Variants in PLEKHA2 observed in about 807,000 individuals in gnomAD.
The protein encoded by PLEKHA2 is pleckstrin homology domain containing A2.
PLEKHA2 carries 28 observed loss-of-function variants against 53.2 expected under a neutral mutation model. The observed-to-expected ratio is 0.53, with a 90% confidence interval of 0.39 to 0.72. The LOEUF (loss-of-function observed/expected upper bound fraction) is 0.72, where lower values mean the gene tolerates loss of function less well. Ranked by LOEUF, PLEKHA2 falls within the 30% of genes least tolerant of loss-of-function variation. The pLI, the probability that PLEKHA2 is intolerant of heterozygous loss-of-function variation, is 0.00. For synonymous variants in PLEKHA2, 193 were observed against 196.4 expected (o/e 0.98, Z 0.14); for missense variants, 426 against 537.9 (o/e 0.79, Z 2.06).
Position 38,969,554 on chromosome 8 carries a change from T to C in PLEKHA2, c.1049T>C (p.Val350Ala). Residue 350 changes from valine to alanine, a missense_variant, in exon 12 of 12, where the codon GTG (valine) becomes GCG (alanine). By Grantham distance (64) the Val-to-Ala change is moderately conservative (BLOSUM62 0). Coordinates refer to ENST00000617275, the MANE Select transcript of PLEKHA2 (RefSeq NM_021623.2). ...EKKALCKAPSVASSWQPWTPV... is the reference protein window; with the variant it reads ...EKKALCKAPSAASSWQPWTPV... ...AAAGCCCTCTGCAAAGCCCCCTCTG[T>C]GGCCTCCTCCTGGCAGCCCTGGACA... 1 of 1,612,336 alleles carries C rather than the reference T, an allele frequency of 6.2e-7. No homozygotes were observed. The highest frequency in any genetic ancestry group is 8.5e-7 in the Non-Finnish European group (1 of 1,179,138).
chr8:38,906,049 C>T (rs1264464403), intron 1 of PLEKHA2, among the ~76,000 whole-genome samples: 2 of 152,198 alleles, frequency 1.3e-5, no homozygotes, highest in East Asian at 1.9e-4. Flanking sequence ...TGGTTGACAT[C>T]GTCCATTATA....
chr8:38,911,227 C>T (rs2152364744), intron 1 of PLEKHA2, among the ~76,000 whole-genome samples: 1 of 139,908 alleles, frequency 7.1e-6, no homozygotes, highest in East Asian at 2.1e-4. Flanking sequence ...AGAGCTCTAA[C>T]CCAGCATGAA....
Position 38,969,981 on chromosome 8 carries a change from T to C in PLEKHA2, c.*198T>C, listed in dbSNP as rs1835217826. On this transcript the variant is annotated 3_prime_UTR_variant, in exon 12 of 12. Transcript: ENST00000617275. ...TGTGTGTGTGTGTGTGTGTGTGTAA[T>C]ATCAACGCAGTGTATTTAATTTGGG... 2.6e-5 allele frequency: 15 copies of C among 580,772 alleles called. 1 individual carries two copies. In the South Asian group the frequency reaches 3.3e-4, roughly 13 times the overall value. The allele number at this position is 580,772 out of a possible 1,614,324, so 36.0% of individuals were successfully genotyped here. A position where few individuals can be genotyped will look rare whatever the true frequency, so the allele number is the denominator to read the frequency against.
chr8:38,946,574 T>A (rs1834719098), intron 5 of PLEKHA2, among the ~76,000 whole-genome samples: 1 of 152,170 alleles, frequency 6.6e-6, no homozygotes, highest in Non-Finnish European at 1.5e-5. Flanking sequence ...GAAAAGCATA[T>A]GGGGAGGGAA....
At position 38,914,953 on chromosome 8, in the gene PLEKHA2, A is replaced by C. The variant is rs201467020; in HGVS notation, c.-23-2954A>C. Among the ~76,000 whole-genome samples the C allele has an allele frequency of 2.1e-3, 260 of 125,696 alleles. 5 individuals carry two copies. The East Asian group carries it at 0.047, about 23-fold the overall frequency. 82.5% of individuals were successfully genotyped at this position (125,696 alleles called of 152,430 possible). Reference sequence around the variant, plus strand: ...TCTCCTTTTTCTTCTTTCTTCCTTTATTCCTCTTCTTCTGACAGGGTCTCA... The same window carrying C: ...TCTCCTTTTTCTTCTTTCTTCCTTTCTTCCTCTTCTTCTGACAGGGTCTCA... On this transcript the variant is annotated intron_variant, in intron 1 of 11. Coordinates refer to ENST00000617275, the MANE Select transcript of PLEKHA2 (RefSeq NM_021623.2).
At chr8:38,929,665 A>T (rs931219860) in intron 2 of PLEKHA2, among the ~76,000 whole-genome samples, 2 of 152,274 alleles carry the variant, frequency 1.3e-5, no homozygotes, top group Non-Finnish European at 2.9e-5. Context: ...TGTCTGGCGC[A>T]TCATAATTTC....
rs554836567 is a variant in PLEKHA2, at chr8:38,922,970, G to A, written c.141+4900G>A. ...GACCTCTGTGCTCAGCCCGTGCAAG[G>A]TCTTGTAGATGATGTGGAAAATGAA... On this transcript the variant is annotated intron_variant, in intron 2 of 11. Transcript: ENST00000617275. The surrounding 1 kb of genome is among the most constrained non-coding windows in gnomAD (Gnocchi z 4.0). Among the ~76,000 whole-genome samples the A allele has an allele frequency of 6.5e-4, 99 of 152,318 alleles. No individual in the cohort carries two copies. The highest frequency in any genetic ancestry group is 2.3e-3 in the African/African-American group (96 of 41,564).
chr8:38,948,550 G>A (rs62504404), intron 5 of PLEKHA2, among the ~76,000 whole-genome samples: 66,061 of 151,928 alleles, frequency 0.43, 14,501 homozygotes, highest in Middle Eastern at 0.48. Context: ...GGCAGAGGAC[G>A]TCCTTGTCTA....
intron 1 of PLEKHA2, among the ~76,000 whole-genome samples, chr8:38,902,310 C>T (rs1833802664): frequency 6.6e-6 from 1 of 152,002 alleles, no homozygotes; most frequent in Non-Finnish European, 1.5e-5. Flanking sequence ...GCGGCCGGAG[C>T]ACCCTCACAT....
At chr8:38,949,117 C>T (rs1194899176) in intron 5 of PLEKHA2, among the ~76,000 whole-genome samples, 3 of 152,144 alleles carry the variant, frequency 2.0e-5, no homozygotes, top group South Asian at 2.1e-4. Context: ...GTGATCCGCC[C>T]GCCTCGGCCT....
At chr8:38,913,295 C>T (rs79368385) in intron 1 of PLEKHA2, among the ~76,000 whole-genome samples, 10,814 of 146,110 alleles carry the variant, frequency 0.074, 495 homozygotes, top group East Asian at 0.21. Flanking sequence ...ACCTGGGAGG[C>T]GGAGGTTGCA....
chr8:38,954,530 C>T (rs1045225775), intron 9 of PLEKHA2, among the ~76,000 whole-genome samples: 1 of 152,116 alleles, frequency 6.6e-6, no homozygotes, highest in African/African-American at 2.4e-5. Context: ...TTCTCTAACT[C>T]TCTAACTCTG....
At chr8:38,930,988 G>T (rs1462721795) in intron 2 of PLEKHA2, among the ~76,000 whole-genome samples, 5 of 152,096 alleles carry the variant, frequency 3.3e-5, no homozygotes, top group Non-Finnish European at 5.9e-5. Flanking sequence ...GAAATCTCCC[G>T]AGGTGGCCAG....
intron 2 of PLEKHA2, among the ~76,000 whole-genome samples, chr8:38,930,490 C>A (rs1249572057): frequency 6.6e-6 from 1 of 152,212 alleles, no homozygotes; most frequent in Non-Finnish European, 1.5e-5. Flanking sequence ...AGGCGTGAGC[C>A]ACCACGCTCA....
At chr8:38,902,336 A>G (rs1833803170) in intron 1 of PLEKHA2, among the ~76,000 whole-genome samples, 1 of 151,970 alleles carries the variant, frequency 6.6e-6, no homozygotes, top group Admixed American at 6.6e-5. Context: ...CCCCGGGGCC[A>G]GCCCTGCCCC....
intron 10 of PLEKHA2, among the ~76,000 whole-genome samples, chr8:38,964,264 A>G (rs1164130647): frequency 3.3e-5 from 5 of 152,102 alleles, no homozygotes; most frequent in African/African-American, 1.2e-4. Context: ...GCGATCCCCA[A>G]CCCCTAAGCT....
In PLEKHA2 at chr8:38,933,790, A is replaced by AAAAAAAAAAAAAAAAAAAAAAAG. The variant is rs71216697; in HGVS notation, c.142-2200_142-2199insAAAAAAAAAAAAAAAAAAGAAAA. On this transcript the variant is annotated intron_variant, in intron 2 of 11. Transcript: ENST00000617275. Reference sequence around the variant, plus strand: ...AATAGAGGTTTCCTAAAAAAAAAAAAAAAAGAAAAGAAAGAAAAGCAGTCG... The same window carrying AAAAAAAAAAAAAAAAAAAAAAAG: ...AATAGAGGTTTCCTAAAAAAAAAAAAAAAAAAAAAAAAAAAAAAAAAAGAAAAGAAAAGAAAGAAAAGCAGTCG... Among the ~76,000 whole-genome samples, 335 of 90,468 alleles carry AAAAAAAAAAAAAAAAAAAAAAAG rather than the reference A, an allele frequency of 3.7e-3. 23 individuals are homozygous for AAAAAAAAAAAAAAAAAAAAAAAG. The highest frequency in any genetic ancestry group is 6.4e-3 in the Non-Finnish European group (259 of 40,670). 59.4% of individuals were successfully genotyped at this position (90,468 alleles called of 152,430 possible). A position where few individuals can be genotyped will look rare whatever the true frequency, so the allele number is the denominator to read the frequency against.
At chr8:38,918,855 G>A (rs1834129292) in intron 2 of PLEKHA2, among the ~76,000 whole-genome samples, 1 of 152,184 alleles carries the variant, frequency 6.6e-6, no homozygotes, top group Non-Finnish European at 1.5e-5. Context: ...AGCTTGGAGA[G>A]AATGATGCTG....
chr8:38,966,642 C>T (rs1292875144), intron 10 of PLEKHA2, among the ~76,000 whole-genome samples: 1 of 152,128 alleles, frequency 6.6e-6, no homozygotes, highest in Non-Finnish European at 1.5e-5. Context: ...TTCATAGAGC[C>T]GCTGCTGCCC....
Sources: allele counts gnomAD v4.1 joint callset (sites outside exome capture counted in the v4.1 genomes callset), GRCh38; gene constraint gnomAD v4.1.1; non-coding constraint Gnocchi (gnomAD v3.1); transcripts MANE v1.5; gene names NCBI Gene and HGNC (gene_info 2026-07-23, HGNC 2026-07-21).